The following PRIM2 variants were observed in gnomAD, a reference collection of about 807,000 sequenced individuals.
PRIM2 encodes the protein DNA primase large subunit.
In PRIM2, 39 loss-of-function variants were observed where a neutral mutation model predicts 67.3. That is an observed-to-expected ratio of 0.58 (90% CI 0.45 to 0.76). The LOEUF (loss-of-function observed/expected upper bound fraction) is 0.76, where lower values mean the gene tolerates loss of function less well. Ranked by LOEUF, PRIM2 falls within the 30% of genes least tolerant of loss-of-function variation. PRIM2 has a pLI of 0.00. For missense variants in PRIM2, 398 were observed against 598.7 expected, an observed-to-expected ratio of 0.66 and a Z score of 3.50; for synonymous variants, 143 against 198.7, an observed-to-expected ratio of 0.72 and a Z score of 2.36.
intron 10 of PRIM2, among the ~76,000 whole-genome samples, chr6:57,565,224 A>T (rs1294524899): frequency 6.6e-6 from 1 of 150,722 alleles, no homozygotes; most frequent in Non-Finnish European, 1.5e-5. Flanking sequence ...AAATTCTCAC[A>T]TATCTGTCAT....
chr6:57,562,041 G>C (rs1775642680), intron 10 of PRIM2, among the ~76,000 whole-genome samples: 1 of 152,150 alleles, frequency 6.6e-6, no homozygotes, highest in Non-Finnish European at 1.5e-5. Flanking sequence ...GTTATGGCCA[G>C]TTGGTGGAGC....
chr6:57,592,509 AG>A (rs1776297844), intron 10 of PRIM2, among the ~76,000 whole-genome samples: 1 of 152,156 alleles, frequency 6.6e-6, no homozygotes, highest in Admixed American at 6.5e-5. Flanking sequence ...AAATAGGAGT[AG>A]TAGGCCAGGC....
intron 5 of PRIM2, among the ~76,000 whole-genome samples, chr6:57,355,510 C>T (rs1215309369): frequency 6.6e-6 from 1 of 152,108 alleles, no homozygotes; most frequent in Non-Finnish European, 1.5e-5. Flanking sequence ...GAATTTGGAT[C>T]CAGGCACCCA....
intron 12 of PRIM2, among the ~76,000 whole-genome samples, chr6:57,607,756 T>G (rs1776588860): frequency 6.6e-6 from 1 of 152,226 alleles, no homozygotes; most frequent in Non-Finnish European, 1.5e-5. Flanking sequence ...ATCACCTTTT[T>G]GAAAACAATA....
intron 10 of PRIM2, among the ~76,000 whole-genome samples, chr6:57,584,415 C>T (rs1776153934): frequency 6.6e-6 from 1 of 152,208 alleles, no homozygotes; most frequent in South Asian, 2.1e-4. Context: ...CATCAGTTTA[C>T]ATAAGGTTAT....
chr6:57,587,137 C>T (rs1438163329), intron 10 of PRIM2: 2 of 152,152 alleles, frequency 1.3e-5, no homozygotes, highest in Non-Finnish European at 2.9e-5. Context: ...TTGCCATTGC[C>T]TTAAAGTATT....
the PRIM2 span, among the ~76,000 whole-genome samples, chr6:57,266,797 A>G: frequency 6.6e-6 from 1 of 152,172 alleles, no homozygotes; most frequent in African/African-American, 2.4e-5. Context: ...GATCAGTGCC[A>G]ATTTGGAACC....
chr6:57,617,809 T>G (rs1193962813), intron 12 of PRIM2, among the ~76,000 whole-genome samples: 3 of 152,230 alleles, frequency 2.0e-5, no homozygotes, highest in Non-Finnish European at 4.4e-5. Flanking sequence ...TAATTATCTA[T>G]AGTCAAATTC....
At chr6:57,519,283 C>T (rs1250277430) in intron 8 of PRIM2, among the ~76,000 whole-genome samples, 1 of 152,180 alleles carries the variant, frequency 6.6e-6, no homozygotes, top group Non-Finnish European at 1.5e-5. Context: ...TTGAGATCAA[C>T]TGGTCTGACC....
At chr6:57,421,798 T>C (rs993507751) in intron 7 of PRIM2, among the ~76,000 whole-genome samples, 2 of 152,208 alleles carry the variant, frequency 1.3e-5, no homozygotes, top group African/African-American at 4.8e-5. Flanking sequence ...GTACTGTCTT[T>C]GTATGCTTTT....
chr6:57,561,106 A>G (rs1282449308), intron 10 of PRIM2, among the ~76,000 whole-genome samples: 1 of 152,192 alleles, frequency 6.6e-6, no homozygotes, highest in Non-Finnish European at 1.5e-5. Context: ...CATCTTAGCT[A>G]GTTCTTCTGG....
At chr6:57,453,731 A>C (rs985454276) in intron 7 of PRIM2, among the ~76,000 whole-genome samples, 1 of 152,184 alleles carries the variant, frequency 6.6e-6, no homozygotes, top group South Asian at 2.1e-4. Context: ...GTCATCTGCA[A>C]ACAGGGACGA....
the PRIM2 span, among the ~76,000 whole-genome samples, chr6:57,274,615 G>A: frequency 2.6e-5 from 4 of 152,174 alleles, no homozygotes; most frequent in East Asian, 1.9e-4. Flanking sequence ...GCTCGTGCAC[G>A]GTGCGCTGCA....
intron 12 of PRIM2, among the ~76,000 whole-genome samples, chr6:57,607,730 T>A (rs1459130921): frequency 1.3e-5 from 2 of 152,206 alleles, no homozygotes; most frequent in Admixed American, 1.3e-4. Flanking sequence ...GGCTTTTTTT[T>A]AAGCAATCAT....
chr6:57,340,851 TATA>T (rs2127293622), intron 5 of PRIM2, among the ~76,000 whole-genome samples: 1 of 152,216 alleles, frequency 6.6e-6, no homozygotes, highest in East Asian at 1.9e-4. Context: ...AAACTTAAAG[TATA>T]ATAATAATTT....
chr6:57,552,306 T>G (rs1775421059), intron 10 of PRIM2, among the ~76,000 whole-genome samples: 1 of 152,142 alleles, frequency 6.6e-6, no homozygotes, highest in Non-Finnish European at 1.5e-5. Context: ...CCCTTCATTT[T>G]GGAGGGGCTG....
the PRIM2 span, chr6:57,222,215 A>C: frequency 1.3e-5 from 2 of 152,390 alleles, no homozygotes. Flanking sequence ...GCCAGGGCTC[A>C]GATTGAGTGG....
At chr6:57,364,015 T>C (rs1051129466) in intron 5 of PRIM2, among the ~76,000 whole-genome samples, 2 of 152,128 alleles carry the variant, frequency 1.3e-5, no homozygotes, top group African/African-American at 4.8e-5. Context: ...ATTTCTATAT[T>C]CTGTTTTGTC....
intron 8 of PRIM2, among the ~76,000 whole-genome samples, chr6:57,531,914 C>G (rs1279068927): frequency 1.3e-5 from 2 of 152,112 alleles, no homozygotes; most frequent in Non-Finnish European, 2.9e-5. Context: ...TTATGTCAGG[C>G]TCTTTAACAA....
Sources: allele counts gnomAD v4.1 joint callset (sites outside exome capture counted in the v4.1 genomes callset), GRCh38; gene constraint gnomAD v4.1.1; transcripts MANE v1.5; gene names NCBI Gene and HGNC (gene_info 2026-07-23, HGNC 2026-07-21).